The following CDKL5 variants were observed in gnomAD, a reference collection of about 807,000 sequenced individuals.
CDKL5 encodes the protein cyclin dependent kinase like 5, also known as cyclin-dependent kinase-like 5.
Under a neutral mutation model 61.7 loss-of-function variants are expected in CDKL5, and 8 were observed. The ratio of observed to expected loss-of-function variants is 0.13; its 90% CI spans 0.08 to 0.23. The LOEUF (loss-of-function observed/expected upper bound fraction) is 0.23. Among genes scored for constraint, CDKL5 ranks in the 10% least tolerant of loss-of-function variants. The pLI, the probability that CDKL5 is intolerant of heterozygous loss-of-function variation, is 1.00. For synonymous variants in CDKL5, 275 were observed against 272.3 expected (o/e 1.01, Z -0.10); for missense variants, 440 against 734.5 (o/e 0.60, Z 4.63).
At chrX:18,588,178 A>T in intron 9 of CDKL5, 35 bp downstream of exon 9, 1 of 1,037,624 alleles carries the variant, frequency 9.6e-7, no homozygotes. Context: ...AATGGAATCA[A>T]TACTGCAGTA....
chrX:18,582,070 C>T, intron 7 of CDKL5, 120 bp downstream of exon 7: 1 of 563,489 alleles, frequency 1.8e-6, no homozygotes, highest in South Asian at 2.7e-5. Context: ...GGTAGAGGAA[C>T]ATTCTTTTGA....
intron 3 of CDKL5, among the ~76,000 whole-genome samples, chrX:18,514,090 G>C (rs1922922146): frequency 9.0e-6 from 1 of 111,128 alleles, no homozygotes; most frequent in African/African-American, 3.3e-5. Flanking sequence ...ATAGAAGAAA[G>C]TCACTTTTTT....
chrX:18,519,873 T>C (rs1191411774), intron 3 of CDKL5, among the ~76,000 whole-genome samples: 1 of 112,134 alleles, frequency 8.9e-6, no homozygotes, highest in African/African-American at 3.2e-5. Context: ...CAGTTAACTT[T>C]TGTTTCAAGT....
At chrX:18,578,518 G>A (rs1043325569) in intron 5 of CDKL5, among the ~76,000 whole-genome samples, 1 of 111,854 alleles carries the variant, frequency 8.9e-6, no homozygotes, top group African/African-American at 3.2e-5. Context: ...TTATTTATGT[G>A]TATTTTATCT....
At chrX:18,652,236 A>T (rs2147199965) in intron 21 of CDKL5, among the ~76,000 whole-genome samples, 1 of 111,964 alleles carries the variant, frequency 8.9e-6, no homozygotes, top group East Asian at 2.8e-4. Flanking sequence ...GGGGACAAGC[A>T]TAGGAAATGG....
At chrX:18,621,623 TTATC>T (rs755939298) in intron 16 of CDKL5, among the ~76,000 whole-genome samples, 3 of 111,435 alleles carry the variant, frequency 2.7e-5, no homozygotes, top group Non-Finnish European at 3.8e-5. Flanking sequence ...TTTTAACAGT[TTATC>T]TATCTATATC....
intron 3 of CDKL5, among the ~76,000 whole-genome samples, chrX:18,561,433 T>C (rs1294620729): frequency 9.6e-6 from 1 of 104,575 alleles, no homozygotes; most frequent in Non-Finnish European, 1.9e-5. Flanking sequence ...AAACTGAATA[T>C]GTAAAAAAAA....
chrX:18,632,771 A>G lies in CDKL5; in HGVS notation c.*4014A>G. ...AGTTTAGCATGTTCCTAATCTGAGAATTAGTGGACTATACTAGGAAATGCT... is the reference window on the plus strand; with the variant it reads ...AGTTTAGCATGTTCCTAATCTGAGAGTTAGTGGACTATACTAGGAAATGCT... On this transcript the variant is annotated 3_prime_UTR_variant, in exon 18 of 18. Transcript: ENST00000623535. 9.3e-6 allele frequency: 7 copies of G among 753,993 alleles called. No homozygotes were observed. The highest frequency in any genetic ancestry group is 1.1e-5 in the Non-Finnish European group (7 of 638,783). The allele number at this position is 753,993 out of a possible 1,213,427, so 62.1% of individuals were successfully genotyped here.
chrX:18,621,260 A>G (rs190527785), intron 16 of CDKL5, among the ~76,000 whole-genome samples: 3 of 111,881 alleles, frequency 2.7e-5, no homozygotes, highest in East Asian at 5.6e-4. Context: ...GTTCATAGCA[A>G]TGTGTATAAA....
chrX:18,538,791 T>C (rs1382747828), intron 3 of CDKL5, among the ~76,000 whole-genome samples: 1 of 112,353 alleles, frequency 8.9e-6, no homozygotes, highest in Non-Finnish European at 1.9e-5. Flanking sequence ...TAGATGAGAC[T>C]GTATAAGATT....
At chrX:18,573,864 T>C (rs1328859210) in intron 4 of CDKL5, among the ~76,000 whole-genome samples, 1 of 111,975 alleles carries the variant, frequency 8.9e-6, no homozygotes, top group Non-Finnish European at 1.9e-5. Context: ...CTTGCTTTTA[T>C]GTCATTCCCT....
chrX:18,570,916 C>A (rs890052716), intron 4 of CDKL5, among the ~76,000 whole-genome samples: 3 of 111,154 alleles, frequency 2.7e-5, no homozygotes, highest in African/African-American at 9.8e-5. Flanking sequence ...CTTTTTCCAC[C>A]CTGCCATTTT....
downstream of CDKL5, chrX:18,641,040 A>G (rs1927557798): frequency 8.9e-6 from 1 of 112,500 alleles, no homozygotes; most frequent in Non-Finnish European, 1.9e-5. Context: ...CCTTTTTATG[A>G]TGTGAGTCCT....
chrX:18,458,203 G>A (rs887356318), intron 1 of CDKL5, among the ~76,000 whole-genome samples: 1 of 110,515 alleles, frequency 9.0e-6, no homozygotes, highest in South Asian at 3.8e-4. Context: ...GATTACAGGC[G>A]TGAGCCACCG....
intron 21 of CDKL5, among the ~76,000 whole-genome samples, chrX:18,652,722 C>A (rs1012714744): frequency 2.7e-5 from 3 of 111,969 alleles, no homozygotes; most frequent in Non-Finnish European, 5.6e-5. Context: ...ATGACCTTCC[C>A]AAGTTTTCCA....
intron 3 of CDKL5, among the ~76,000 whole-genome samples, chrX:18,519,961 G>A (rs1298084785): frequency 7.2e-5 from 8 of 111,540 alleles, no homozygotes; most frequent in Non-Finnish European, 3.8e-5. Flanking sequence ...AAGTTAGAAG[G>A]AATTATCCTC....
intron 21 of CDKL5, among the ~76,000 whole-genome samples, chrX:18,651,264 T>TGTGTGTGAGA (rs1491242962): frequency 2.3e-4 from 16 of 69,012 alleles, no homozygotes; most frequent in African/African-American, 9.4e-4. Flanking sequence ...TGTGTGTGTG[T>TGTGTGTGAGA]GAGAGAGAGA....
intron 1 of CDKL5, among the ~76,000 whole-genome samples, chrX:18,459,904 C>T (rs773911329): frequency 8.4e-4 from 89 of 105,571 alleles, no homozygotes; most frequent in African/African-American, 3.0e-3. Flanking sequence ...CTGAGTTTTG[C>T]TCTTGTTGCC....
intron 1 of CDKL5, among the ~76,000 whole-genome samples, chrX:18,465,897 T>C (rs891936427): frequency 4.5e-5 from 5 of 112,132 alleles, no homozygotes; most frequent in African/African-American, 1.6e-4. Context: ...TTCCACTTTT[T>C]ATTTCTAGGA....
Sources: allele counts gnomAD v4.1 joint callset (sites outside exome capture counted in the v4.1 genomes callset), GRCh38; gene constraint gnomAD v4.1.1; transcripts MANE v1.5; gene names NCBI Gene and HGNC (gene_info 2026-07-23, HGNC 2026-07-21).